Variants in PREX1 observed in about 807,000 individuals in gnomAD.
PREX1 encodes the protein phosphatidylinositol 3,4,5-trisphosphate-dependent Rac exchanger 1 protein.
PREX1 carries 41 observed loss-of-function variants against 198.3 expected under a neutral mutation model. The observed-to-expected ratio is 0.21, with a 90% CI of 0.16 to 0.27. The LOEUF (loss-of-function observed/expected upper bound fraction) is 0.27. Among genes scored for constraint, PREX1 ranks in the 10% least tolerant of loss-of-function variants. The probability of loss-of-function intolerance (pLI) is 1.00; values close to 1 mark genes in which losing one functional copy is unlikely to be tolerated. For synonymous variants in PREX1, 843 were observed against 887.2 expected, an observed-to-expected ratio of 0.95 and a Z score of 0.89; for missense variants, 1,620 against 2,200.7, an observed-to-expected ratio of 0.74 and a Z score of 5.28.
the PREX1 span, among the ~76,000 whole-genome samples, chr20:48,854,260 T>C: frequency 5.3e-5 from 8 of 152,224 alleles, no homozygotes; most frequent in South Asian, 4.1e-4. Context: ...GGGGAGGAGA[T>C]CTAAGCCTGA....
intron 8 of PREX1, 81 bp downstream of exon 8, chr20:48,692,591 T>A: frequency 8.5e-7 from 1 of 1,180,370 alleles, no homozygotes; most frequent in Non-Finnish European, 1.2e-6. Context: ...AAGAAAAAAA[T>A]ATATTTAAAT....
intron 4 of PREX1, among the ~76,000 whole-genome samples, chr20:48,733,846 G>A (rs544473987): frequency 1.3e-5 from 2 of 152,226 alleles, no homozygotes; most frequent in South Asian, 4.1e-4. Context: ...TGCCTCTCAG[G>A]TTCAAGCAAT....
intron 1 of PREX1, among the ~76,000 whole-genome samples, chr20:48,748,536 A>G (rs1439006545): frequency 6.6e-6 from 1 of 151,788 alleles, no homozygotes; most frequent in African/African-American, 2.4e-5. Flanking sequence ...GATGACCCGC[A>G]CCTGGATTTT....
intron 24 of PREX1, 41 bp downstream of exon 24, chr20:48,649,955 G>A (rs1463640046): frequency 6.2e-7 from 1 of 1,601,468 alleles, no homozygotes; most frequent in Admixed American, 1.7e-5. Flanking sequence ...TATCTGGAGT[G>A]CAACATCTGA....
chr20:48,829,168 G>A (rs1481392977), upstream of PREX1, among the ~76,000 whole-genome samples: 1 of 152,148 alleles, frequency 6.6e-6, no homozygotes, highest in Non-Finnish European at 1.5e-5. Context: ...CCAACACCTA[G>A]AAAGTTCTCT....
chr20:48,727,157 GT>G (rs2090014188), intron 4 of PREX1, among the ~76,000 whole-genome samples: 1 of 152,188 alleles, frequency 6.6e-6, no homozygotes, highest in Non-Finnish European at 1.5e-5. Flanking sequence ...TGGAGGGAGA[GT>G]TTTGGGTTGG....
At position 48,692,710 on chromosome 20, in the gene PREX1, G is replaced by C; in HGVS notation, c.998C>G (p.Thr333Ser). 1.9e-6 allele frequency: 3 copies of C among 1,614,168 alleles called. No homozygotes were observed. The highest frequency in any genetic ancestry group is 2.5e-6 in the Non-Finnish European group (3 of 1,180,018). ...SLYIFRGRIN[T>S]EVMEVENVED... ...CACATTCTCCACCTCCATGACTTCA[G>C]TGTTGATTCGACCCCTGAAGATGTA... The change falls in exon 8 of 40, where the codon ACT (threonine) becomes AGT (serine). Residue 333 changes from threonine (T) to serine (S), a missense_variant. Thr to Ser is a moderately conservative substitution (Grantham distance 58). This residue lies in a region of PREX1 where 488 missense variants were observed against 802.5 expected (regional missense o/e 0.61). Transcript: ENST00000371941.
intron 16 of PREX1, 133 bp from the exon 17 acceptor site, chr20:48,658,361 CAG>C (rs1471167702): frequency 2.4e-6 from 2 of 819,288 alleles, no homozygotes; most frequent in South Asian, 1.7e-5. Flanking sequence ...GTGGGCGAGA[CAG>C]AGCAAAACGC....
intron 31 of PREX1, among the ~76,000 whole-genome samples, chr20:48,637,043 A>G (rs907318633): frequency 1.3e-5 from 2 of 152,238 alleles, no homozygotes; most frequent in Non-Finnish European, 2.9e-5. Flanking sequence ...TAGAATGCCA[A>G]TGGTGCTAAG....
the PREX1 span, among the ~76,000 whole-genome samples, chr20:48,868,706 A>G: frequency 6.6e-6 from 1 of 152,228 alleles, no homozygotes; most frequent in Non-Finnish European, 1.5e-5. Context: ...ACAGGTAACC[A>G]CAATTACTGA....
chr20:48,632,620 G>A lies in PREX1; in HGVS notation c.4287C>T (p.His1429=), dbSNP rs961858267. The part of the protein sequence containing the change: ...NYVANTNVFY[H]IEGSRQALKV... Reference sequence around the variant, plus strand: ...TCAGCGCCTGCCGGCTGCCCTCAATGTGGTAGAAGACGTTGGTGTCTGCGG... The same window carrying A: ...TCAGCGCCTGCCGGCTGCCCTCAATATGGTAGAAGACGTTGGTGTCTGCGG... The change falls in exon 34 of 40, where the codon CAC becomes CAT. Residue 1429 remains histidine, a synonymous_variant. Coordinates refer to ENST00000371941, the MANE Select transcript of PREX1 (RefSeq NM_020820.4). 9 of 1,613,746 alleles carry A rather than the reference G, an allele frequency of 5.6e-6. No homozygotes were observed. Among genetic ancestry groups the A allele is most frequent in the Non-Finnish European group, 7.6e-6 (9 of 1,179,878 alleles).
chr20:48,747,884 G>C lies in PREX1; in HGVS notation c.220-4C>G. 6.2e-7 allele frequency: 1 copy of C among 1,611,788 alleles called. No individual in the cohort carries two copies. The highest frequency in any genetic ancestry group is 8.5e-7 in the Non-Finnish European group (1 of 1,178,864). ...GCCGGATGCGATGCAGGAATGCCTG[G>C]AGGAGAGAAGCAGAGAGAGGTGAGT... On this transcript the variant is annotated splice_region_variant and splice_polypyrimidine_tract_variant and intron_variant, in intron 1 of 39. Coordinates refer to ENST00000371941, the MANE Select transcript of PREX1 (RefSeq NM_020820.4).
Position 48,649,312 on chromosome 20 carries a change from G to A in PREX1, c.3293C>T (p.Thr1098Ile), listed in dbSNP as rs1239334356. Residue 1098 changes from threonine to isoleucine, a missense_variant, in exon 25 of 40, where the codon ACC (threonine) becomes ATC (isoleucine). Coordinates refer to ENST00000371941, the MANE Select transcript of PREX1 (RefSeq NM_020820.4). ...VALKEMKQYV[T>I]QINRLLSTIT... ...GGCCAGCGCTCACCTGTTGATCTGG[G>A]TGACATATTGCTTCATCTCCTTCAG... The A allele has an allele frequency of 1.2e-6, 2 of 1,613,550 alleles. No homozygotes were observed. Among genetic ancestry groups the A allele is most frequent in the South Asian group, 1.1e-5 (1 of 91,066 alleles).
chr20:48,722,510 A>G (rs980049489), intron 5 of PREX1, among the ~76,000 whole-genome samples: 3 of 151,932 alleles, frequency 2.0e-5, no homozygotes, highest in Non-Finnish European at 4.4e-5. Context: ...GGGGTGACAG[A>G]AATGTTCTAA....
At chr20:48,747,649 G>T (rs1249517649) in intron 2 of PREX1, among the ~76,000 whole-genome samples, 160 bp downstream of exon 2, 1 of 152,240 alleles carries the variant, frequency 6.6e-6, no homozygotes, top group African/African-American at 2.4e-5. Context: ...GGCCTCCAGG[G>T]GCTGAAGGGA....
intron 1 of PREX1, among the ~76,000 whole-genome samples, chr20:48,786,823 G>A (rs112749050): frequency 1.3e-4 from 5 of 37,870 alleles, no homozygotes; most frequent in East Asian, 1.3e-3. Context: ...AAGAAAAAGA[G>A]AGAGAGAGAA....
rs1568804903 is a variant in PREX1 at position 48,653,510 on chromosome 20, G to C, written c.2210-13C>G. On this transcript the variant is annotated splice_polypyrimidine_tract_variant and intron_variant, in intron 19 of 39. Coordinates refer to ENST00000371941, the MANE Select transcript of PREX1 (RefSeq NM_020820.4). ...ATGGCCTCAGAGCCTAAGGGGAACAGGAGCACATGAGGCTGGATGCCAGGC... is the reference window on the plus strand; with the variant it reads ...ATGGCCTCAGAGCCTAAGGGGAACACGAGCACATGAGGCTGGATGCCAGGC... 5 of 1,600,022 alleles carry C rather than the reference G, an allele frequency of 3.1e-6. No homozygotes were observed. The highest frequency in any genetic ancestry group is 4.3e-6 in the Non-Finnish European group (5 of 1,170,370).
At chr20:48,863,091 G>T in the PREX1 span, among the ~76,000 whole-genome samples, 1 of 152,062 alleles carries the variant, frequency 6.6e-6, no homozygotes, top group African/African-American at 2.4e-5. Context: ...GCCTCCCAAA[G>T]TGCTAGGATT....
chr20:48,634,166 G>A (rs1204592967), intron 33 of PREX1, among the ~76,000 whole-genome samples: 3 of 101,330 alleles, frequency 3.0e-5, no homozygotes, highest in African/African-American at 9.5e-5. Flanking sequence ...ATGGATGGAT[G>A]GATGGATGCA....
Sources: gnomAD v4.1 joint callset for allele counts (sites outside exome capture counted in the v4.1 genomes callset) on GRCh38, gnomAD v4.1.1 for gene constraint, gnomAD v4.1.1 regional missense constraint, MANE v1.5 for transcripts, NCBI Gene and HGNC (gene_info 2026-07-23, HGNC 2026-07-21) for gene names.